Variants in NXN observed in about 807,000 individuals in gnomAD.
NXN encodes nucleoredoxin, also known as nucleoredoxin 1.
A neutral mutation model predicts 48.6 loss-of-function variants in NXN; 16 were observed. The ratio of observed to expected loss-of-function variants is 0.33; its 90% CI spans 0.22 to 0.50. The LOEUF (loss-of-function observed/expected upper bound fraction) is 0.50. Among genes scored for constraint, NXN ranks in the 20% least tolerant of loss-of-function variants. NXN has a pLI of 0.98. For synonymous variants in NXN, 281 were observed against 269.6 expected, an observed-to-expected ratio of 1.04 and a Z score of -0.41; for missense variants, 492 against 605.5, an observed-to-expected ratio of 0.81 and a Z score of 1.97.
intron 1 of NXN, among the ~76,000 whole-genome samples, chr17:923,890 GAT>G: frequency 6.6e-6 from 1 of 152,160 alleles, no homozygotes; most frequent in African/African-American, 2.4e-5. Flanking sequence ...ATATTCGTGA[GAT>G]AGTTAAGTGG....
chr17:911,668 C>T lies in NXN; in HGVS notation c.360+67651G>A, dbSNP rs548768396. Among the ~76,000 whole-genome samples the T allele has an allele frequency of 5.3e-5, 8 of 151,160 alleles. No homozygotes were observed. In the East Asian group the frequency reaches 1.6e-3, roughly 30 times the overall value. On this transcript the variant is annotated intron_variant, in intron 1 of 7. Transcript: ENST00000336868. ...TAGTAGAGATGAGGTTTCTTTCACCCTGTTAGCCAGGATGGTCTTGATCTC... is the reference window on the plus strand; with the variant it reads ...TAGTAGAGATGAGGTTTCTTTCACCTTGTTAGCCAGGATGGTCTTGATCTC...
chr17:896,856 C>CCGGGGGGGGGGG, intron 1 of NXN: 2 of 1,156,926 alleles, frequency 1.7e-6, no homozygotes, highest in South Asian at 1.4e-5. Flanking sequence ...CGGTCCTGAC[C>CCGGGGGGGGGGG]ACCCGCCCCC....
chr17:801,180 G>A (rs1911184041), intron 7 of NXN, 49 bp from the exon 8 acceptor site: 2 of 1,427,334 alleles, frequency 1.4e-6, no homozygotes, highest in South Asian at 1.5e-5. Context: ...AAAGAAAGGA[G>A]GGGGAGAGTC....
Position 826,173 on chromosome 17 carries a change from G to C in NXN, c.361-95C>G. 4 of 834,920 alleles carry C rather than the reference G, an allele frequency of 4.8e-6. No individual in the cohort carries two copies. In the South Asian group the frequency reaches 5.4e-5, roughly 11 times the overall value. 51.7% of individuals were successfully genotyped at this position (834,920 alleles called of 1,614,324 possible). On this transcript the variant is annotated intron_variant, in intron 1 of 7. Transcript: ENST00000336868. ...CTTAGGTCTGGAGGCTGGATGAACA[G>C]GCAAGCATTCAAGCACACAGAAAAG...
intron 1 of NXN, chr17:907,822 C>T (rs1223459578): frequency 6.6e-6 from 1 of 152,102 alleles, no homozygotes; most frequent in African/African-American, 2.4e-5. Context: ...TGGCAGAAAA[C>T]AAGGGAGGTG....
At chr17:831,113 C>G (rs1045556596) in intron 1 of NXN, among the ~76,000 whole-genome samples, 1 of 151,980 alleles carries the variant, frequency 6.6e-6, no homozygotes, top group African/African-American at 2.4e-5. Flanking sequence ...AGGGCGAGAC[C>G]TAGATCACAA....
rs568461052 is a variant in NXN, at chr17:896,259, G to A, written c.361-70181C>T. ...GGAGGCTGAGGCAGGAGAATCACTTGAACCCAGGAGGCAGAGGTTGCAGTG... is the reference window on the plus strand; with the variant it reads ...GGAGGCTGAGGCAGGAGAATCACTTAAACCCAGGAGGCAGAGGTTGCAGTG... On this transcript the variant is annotated intron_variant, in intron 1 of 7. Transcript: ENST00000336868. 1.0e-3 allele frequency among the ~76,000 whole-genome samples: 150 copies of A among 150,626 alleles called. 1 individual carries two copies. Among genetic ancestry groups the A allele is most frequent in the African/African-American group, 3.5e-3 (142 of 40,802 alleles).
chr17:814,426 A>G (rs976045559), intron 5 of NXN, among the ~76,000 whole-genome samples: 2 of 152,106 alleles, frequency 1.3e-5, no homozygotes, highest in African/African-American at 4.8e-5. Context: ...TCCACGGATG[A>G]TGAGGTGCTG....
intron 1 of NXN, among the ~76,000 whole-genome samples, chr17:864,409 T>C (rs2068076519): frequency 1.3e-5 from 2 of 152,250 alleles, no homozygotes; most frequent in Non-Finnish European, 2.9e-5. Context: ...CCTAGTTCCA[T>C]GTCCCATGGG....
chr17:874,321 G>A (rs2068191559), intron 1 of NXN, among the ~76,000 whole-genome samples: 1 of 152,182 alleles, frequency 6.6e-6, no homozygotes, highest in Non-Finnish European at 1.5e-5. Context: ...CGGGCACGGT[G>A]GCTCACGCCT....
intron 1 of NXN, among the ~76,000 whole-genome samples, chr17:974,300 G>A (rs1020619923): frequency 2.0e-5 from 3 of 151,806 alleles, no homozygotes; most frequent in African/African-American, 7.3e-5. Flanking sequence ...GCAGTGAGCC[G>A]AGATCGCACC....
At chr17:833,286 G>A (rs1006387437) in intron 1 of NXN, among the ~76,000 whole-genome samples, 6 of 152,094 alleles carry the variant, frequency 3.9e-5, no homozygotes, top group Admixed American at 3.9e-4. Flanking sequence ...GGCGCCTCAG[G>A]CCACCCAAAG....
intron 1 of NXN, among the ~76,000 whole-genome samples, chr17:976,213 C>T (rs2069456471): frequency 6.6e-6 from 1 of 150,640 alleles, no homozygotes. Context: ...TGTTTTCTCA[C>T]AGTTCCTGTC....
chr17:827,774 C>G (rs1913212090), intron 1 of NXN, among the ~76,000 whole-genome samples: 1 of 152,226 alleles, frequency 6.6e-6, no homozygotes, highest in Admixed American at 6.5e-5. Flanking sequence ...GAAGGCTACG[C>G]CCTTGGGCAG....
chr17:928,494 A>C (rs1006478331), intron 1 of NXN, among the ~76,000 whole-genome samples: 1 of 152,164 alleles, frequency 6.6e-6, no homozygotes, highest in African/African-American at 2.4e-5. Context: ...TTCTAAAAAG[A>C]TCCATTCTGG....
At chr17:922,755 G>A (rs1318396515) in intron 1 of NXN, among the ~76,000 whole-genome samples, 2 of 151,978 alleles carry the variant, frequency 1.3e-5, no homozygotes, top group Admixed American at 1.3e-4. Flanking sequence ...GGGTTCAAGC[G>A]ATTCTCCTGC....
intron 1 of NXN, among the ~76,000 whole-genome samples, chr17:887,458 T>C (rs1254759513): frequency 6.6e-6 from 1 of 152,102 alleles, no homozygotes; most frequent in African/African-American, 2.4e-5. Flanking sequence ...CAAGAATACC[T>C]TCTTCTGCAC....
chr17:915,025 C>T (rs759498489), intron 1 of NXN, among the ~76,000 whole-genome samples: 6 of 151,930 alleles, frequency 3.9e-5, no homozygotes, highest in Non-Finnish European at 5.9e-5. Context: ...ACTTCTGCCT[C>T]CCAGGTTCAA....
At chr17:813,340 T>C (rs1912276161) in intron 5 of NXN, among the ~76,000 whole-genome samples, 1 of 152,198 alleles carries the variant, frequency 6.6e-6, no homozygotes, top group South Asian at 2.1e-4. Flanking sequence ...CCAGAACTGA[T>C]ACCAGTGAAA....
Sources: gnomAD v4.1 joint callset for allele counts (sites outside exome capture counted in the v4.1 genomes callset) on GRCh38, gnomAD v4.1.1 for gene constraint, MANE v1.5 for transcripts, NCBI Gene and HGNC (gene_info 2026-07-23, HGNC 2026-07-21) for gene names.